MYPN: variants seen among roughly 807,000 people sequenced by gnomAD.
The protein encoded by MYPN is myopalladin.
A neutral mutation model predicts 129.4 loss-of-function variants in MYPN; 63 were observed. The ratio of observed to expected loss-of-function variants is 0.49; its 90% CI spans 0.40 to 0.60. The LOEUF (loss-of-function observed/expected upper bound fraction) is 0.60, where lower values mean the gene tolerates loss of function less well. Among genes scored for constraint, MYPN ranks in the 20% least tolerant of loss-of-function variants. The pLI is 0.00. For missense variants in MYPN, 1,596 were observed against 1,635.4 expected, an observed-to-expected ratio of 0.98 and a Z score of 0.42; for synonymous variants, 629 against 600.9, an observed-to-expected ratio of 1.05 and a Z score of -0.68.
At chr10:68,202,876 G>A (rs949209862) in intron 18 of MYPN, among the ~76,000 whole-genome samples, 2 of 152,030 alleles carry the variant, frequency 1.3e-5, no homozygotes, top group African/African-American at 2.4e-5. Context: ...GGATTGTGGG[G>A]GTGTGGGGGT....
intron 2 of MYPN, among the ~76,000 whole-genome samples, chr10:68,134,522 C>G (rs1198367081): frequency 6.6e-6 from 1 of 152,186 alleles, no homozygotes; most frequent in Non-Finnish European, 1.5e-5. Flanking sequence ...GTGGGCCAGA[C>G]ATGGTGGCTC....
At chr10:68,206,102 C>T (rs578206186) in intron 18 of MYPN, among the ~76,000 whole-genome samples, 2 of 152,274 alleles carry the variant, frequency 1.3e-5, no homozygotes, top group African/African-American at 4.8e-5. Flanking sequence ...GCCAGGCCAA[C>T]AAGGGGTGTA....
At chr10:68,165,964 G>C in intron 9 of MYPN, 146 bp downstream of exon 9, 1 of 834,456 alleles carries the variant, frequency 1.2e-6, no homozygotes, top group Non-Finnish European at 2.0e-6. Flanking sequence ...AAATGTTCTT[G>C]AACAGTGTCC....
intron 17 of MYPN, 133 bp downstream of exon 17, chr10:68,199,708 G>A (rs898074496): frequency 1.1e-6 from 1 of 885,472 alleles, no homozygotes. Flanking sequence ...CACTGTGGTA[G>A]GGGTGGTATT....
At chr10:68,160,534 T>C (rs921372094) in intron 7 of MYPN, among the ~76,000 whole-genome samples, 2 of 150,874 alleles carry the variant, frequency 1.3e-5, no homozygotes. Context: ...ACTTTTTGAG[T>C]GTTGGCAATT....
chr10:68,189,182 C>A, intron 13 of MYPN, 56 bp downstream of exon 13: 2 of 1,283,842 alleles, frequency 1.6e-6, no homozygotes, highest in South Asian at 1.2e-5. Flanking sequence ...ATAGACAGTG[C>A]CTTCAAGAAG....
intron 2 of MYPN, among the ~76,000 whole-genome samples, chr10:68,126,615 A>G (rs879857872): frequency 6.6e-6 from 1 of 152,220 alleles, no homozygotes; most frequent in Admixed American, 6.5e-5. Context: ...TTAGAAGAAA[A>G]GAAATCAAGC....
At chr10:68,111,520 T>A (rs189252177) in intron 1 of MYPN, among the ~76,000 whole-genome samples, 23 of 152,346 alleles carry the variant, frequency 1.5e-4, no homozygotes, top group African/African-American at 4.8e-4. Flanking sequence ...TGATATTTTT[T>A]AAAATATCTC....
chr10:68,183,424 T>A (rs970991301), intron 12 of MYPN, among the ~76,000 whole-genome samples: 1 of 151,914 alleles, frequency 6.6e-6, no homozygotes, highest in Non-Finnish European at 1.5e-5. Context: ...ATCACACCGC[T>A]GCACTCCAGC....
chr10:68,207,818 A>G (rs1208269433), intron 19 of MYPN, among the ~76,000 whole-genome samples: 1 of 152,186 alleles, frequency 6.6e-6, no homozygotes, highest in Non-Finnish European at 1.5e-5. Context: ...CATGAGAGTA[A>G]CAACATTGTA....
At chr10:68,140,238 G>A (rs910151789) in intron 2 of MYPN, among the ~76,000 whole-genome samples, 2 of 152,058 alleles carry the variant, frequency 1.3e-5, no homozygotes, top group South Asian at 2.1e-4. Flanking sequence ...TGGGAGATGG[G>A]GTCCAGAAAT....
intron 6 of MYPN, among the ~76,000 whole-genome samples, chr10:68,154,735 A>G (rs1221712227): frequency 2.0e-5 from 3 of 152,232 alleles, no homozygotes; most frequent in Admixed American, 6.5e-5. Context: ...CTTTTAACCA[A>G]TAAGGCAGAT....
intron 1 of MYPN, among the ~76,000 whole-genome samples, chr10:68,115,622 A>C (rs2133976427): frequency 6.6e-6 from 1 of 152,250 alleles, no homozygotes; most frequent in East Asian, 1.9e-4. Context: ...TACTTCCTTC[A>C]GTTTGATTCT....
chr10:68,150,149 A>C (rs1203861014), intron 6 of MYPN, 38 bp downstream of exon 6: 1 of 1,508,832 alleles, frequency 6.6e-7, no homozygotes. Context: ...ATGGCTTTAA[A>C]GATACCACAG....
intron 8 of MYPN, among the ~76,000 whole-genome samples, chr10:68,164,086 C>T (rs757944036): frequency 6.6e-6 from 1 of 152,146 alleles, no homozygotes; most frequent in Non-Finnish European, 1.5e-5. Flanking sequence ...TGAAGAGTTA[C>T]TGAGTAGGTA....
chr10:68,208,690 G>C (rs1342606617), intron 19 of MYPN, among the ~76,000 whole-genome samples: 2 of 152,116 alleles, frequency 1.3e-5, no homozygotes, highest in African/African-American at 4.8e-5. Flanking sequence ...TTCCTGTCCT[G>C]CTTCCATAGC....
At chr10:68,194,580 G>GAATTC (rs1459103260) in intron 14 of MYPN, 68 bp downstream of exon 14, 6 of 1,556,164 alleles carry the variant, frequency 3.9e-6, no homozygotes, top group Non-Finnish European at 5.3e-6. Flanking sequence ...TTGTGAATGA[G>GAATTC]ACCTTGAGAA....
intron 11 of MYPN, 42 bp downstream of exon 11, chr10:68,174,698 G>C (rs200309316): frequency 3.4e-5 from 53 of 1,574,136 alleles, no homozygotes; most frequent in Non-Finnish European, 4.4e-5. Context: ...TGCTAGTTAA[G>C]AGTCGATGTG....
At chr10:68,129,558 G>A (rs2042378081) in intron 2 of MYPN, among the ~76,000 whole-genome samples, 1 of 152,098 alleles carries the variant, frequency 6.6e-6, no homozygotes, top group Non-Finnish European at 1.5e-5. Flanking sequence ...TTCTAGTATG[G>A]TACACAAGCT....
Sources: gnomAD v4.1 joint callset for allele counts (sites outside exome capture counted in the v4.1 genomes callset) on GRCh38, gnomAD v4.1.1 for gene constraint, MANE v1.5 for transcripts, NCBI Gene and HGNC (gene_info 2026-07-23, HGNC 2026-07-21) for gene names.